The following AATF variants were observed in gnomAD, a reference collection of about 807,000 sequenced individuals.
AATF encodes the protein apoptosis antagonizing transcription factor.
AATF carries 48 observed loss-of-function variants against 63.7 expected under a neutral mutation model. The observed-to-expected ratio is 0.75, with a 90% CI of 0.60 to 0.96. The LOEUF (loss-of-function observed/expected upper bound fraction) is 0.96, where lower values mean the gene tolerates loss of function less well. AATF is among the 40% of genes least tolerant of loss of function. AATF has a pLI of 0.00. For synonymous variants in AATF, 258 were observed against 247.7 expected (o/e 1.04, Z -0.39); for missense variants, 639 against 685.7 (o/e 0.93, Z 0.76).
At chr17:37,051,107 T>A (rs2071744573) in intron 11 of AATF, 1 of 152,114 alleles carries the variant, frequency 6.6e-6, no homozygotes, top group African/African-American at 2.4e-5. Context: ...AGCAGCATTG[T>A]CTCCGCCAGC....
At chr17:36,997,015 A>G (rs1469308588) in intron 8 of AATF, among the ~76,000 whole-genome samples, 1 of 152,214 alleles carries the variant, frequency 6.6e-6, no homozygotes, top group African/African-American at 2.4e-5. Context: ...TTCAAACACA[A>G]ATGGTACCTG....
chr17:37,036,719 G>A (rs987807260), intron 11 of AATF, among the ~76,000 whole-genome samples: 2 of 151,828 alleles, frequency 1.3e-5, no homozygotes, highest in Non-Finnish European at 2.9e-5. Flanking sequence ...TAATGCTTTC[G>A]GATCTCCTTT....
intron 8 of AATF, among the ~76,000 whole-genome samples, chr17:36,996,497 G>T (rs1178798677): frequency 6.6e-6 from 1 of 152,152 alleles, no homozygotes; most frequent in Non-Finnish European, 1.5e-5. Context: ...GTTTCTTGGG[G>T]CATAGTAATG....
At chr17:36,978,213 C>A (rs561990197) in intron 4 of AATF, among the ~76,000 whole-genome samples, 1 of 152,090 alleles carries the variant, frequency 6.6e-6, no homozygotes, top group East Asian at 1.9e-4. Flanking sequence ...CTTCAGCATT[C>A]CCTTATTTCA....
chr17:36,993,812 G>A (rs2071233717), intron 8 of AATF, among the ~76,000 whole-genome samples: 1 of 152,086 alleles, frequency 6.6e-6, no homozygotes, highest in Non-Finnish European at 1.5e-5. Context: ...GGGTTTAAAG[G>A]CTTACTTGGT....
At chr17:36,984,663 T>A (rs2071153025) in intron 4 of AATF, among the ~76,000 whole-genome samples, 1 of 152,158 alleles carries the variant, frequency 6.6e-6, no homozygotes, top group Non-Finnish European at 1.5e-5. Flanking sequence ...GGAGACAGCG[T>A]CTCGCTCTGT....
In AATF at chr17:36,952,958, A is replaced by G; in HGVS notation, c.356A>G (p.Glu119Gly). 1.9e-6 allele frequency: 3 copies of G among 1,614,186 alleles called. No homozygotes were observed. Among genetic ancestry groups the G allele is most frequent in the Non-Finnish European group, 2.5e-6 (3 of 1,180,046 alleles). Reference protein sequence around the residue: ...SEGLGLEEYDEDDLGAAEEQE... With the variant: ...SEGLGLEEYDGDDLGAAEEQE... ...GGACTGGGTCTGGAGGAATATGATG[A>G]GGACGACCTGGGTGCTGCTGAGGAA... is the stretch of plus-strand genomic sequence containing the variant. The change falls in exon 3 of 12, where the codon GAG (glutamate) becomes GGG (glycine). Residue 119 changes from glutamate to glycine, a missense_variant. Transcript: ENST00000619387.
chr17:37,010,748 G>A (rs184274122), intron 8 of AATF, among the ~76,000 whole-genome samples: 2 of 152,308 alleles, frequency 1.3e-5, no homozygotes, highest in African/African-American at 4.8e-5. Context: ...AGGAGGAGGC[G>A]TGGGAGGTCA....
chr17:36,984,177 G>C (rs2071149113), intron 4 of AATF, among the ~76,000 whole-genome samples: 1 of 152,208 alleles, frequency 6.6e-6, no homozygotes, highest in South Asian at 2.1e-4. Flanking sequence ...TGAATGTCGG[G>C]ATTGTTGAAC....
chr17:36,998,742 T>C (rs1221593957), intron 8 of AATF: 3 of 152,054 alleles, frequency 2.0e-5, no homozygotes, highest in South Asian at 2.1e-4. Context: ...AACAAAAACA[T>C]TTATTATGCC....
At chr17:36,953,335 T>TA in intron 3 of AATF, 39 bp downstream of exon 3, 1 of 1,583,780 alleles carries the variant, frequency 6.3e-7, no homozygotes, top group East Asian at 2.2e-5. Context: ...TTTTTCAAAG[T>TA]ATCTGCATTT....
rs779491074 is a variant in AATF at position 37,020,959 on chromosome 17, C to CG, written c.1493dup (p.Ser499LysfsTer9). On this transcript the variant is annotated frameshift_variant, in exon 10 of 12. Coordinates refer to ENST00000619387, the MANE Select transcript of AATF (RefSeq NM_012138.4). LOFTEE classifies it high-confidence loss of function. ...GCAGTGGCTTGCAATCCAGAAGTTA[C>CG]GAAGCAAAATCCACAAAAAAGTAGA... 1.2e-6 allele frequency: 2 copies of CG among 1,610,660 alleles called. No individual in the cohort carries two copies. Among genetic ancestry groups the CG allele is most frequent in the South Asian group, 2.2e-5 (2 of 90,388 alleles).
chr17:36,957,251 G>T (rs539743716), intron 4 of AATF, among the ~76,000 whole-genome samples: 48 of 152,224 alleles, frequency 3.2e-4, no homozygotes, highest in African/African-American at 1.1e-3. Context: ...AGTAAAATGG[G>T]GATAATATGG....
chr17:37,020,827 A>C, intron 9 of AATF, 107 bp from the exon 10 acceptor site: 5 of 857,132 alleles, frequency 5.8e-6, no homozygotes, highest in Non-Finnish European at 8.8e-6. Flanking sequence ...AACTTGATGT[A>C]GGTTGATGAT....
chr17:37,045,626 G>A (rs948067284), intron 11 of AATF: 9 of 152,246 alleles, frequency 5.9e-5, no homozygotes, highest in African/African-American at 2.2e-4. Flanking sequence ...ACACACACTT[G>A]GCAGCACTCT....
intron 4 of AATF, among the ~76,000 whole-genome samples, chr17:36,985,780 A>T (rs1176570070): frequency 6.6e-6 from 1 of 151,554 alleles, no homozygotes; most frequent in Non-Finnish European, 1.5e-5. Context: ...CAAACTCCTG[A>T]CCTTGTGATC....
At chr17:37,002,903 GTTTTTT>G (rs35926577) in intron 8 of AATF, among the ~76,000 whole-genome samples, 2 of 99,202 alleles carry the variant, frequency 2.0e-5, no homozygotes, top group African/African-American at 7.7e-5. Context: ...TCCTGTTGCT[GTTTTTT>G]TTTTTTTTTT....
chr17:36,974,533 A>G (rs569130304), intron 4 of AATF, among the ~76,000 whole-genome samples: 1 of 152,272 alleles, frequency 6.6e-6, no homozygotes, highest in Non-Finnish European at 1.5e-5. Context: ...GAATATGCAA[A>G]ATTTTAAGGC....
intron 9 of AATF, among the ~76,000 whole-genome samples, chr17:37,019,433 A>G (rs2071452936): frequency 6.6e-6 from 1 of 152,176 alleles, no homozygotes; most frequent in Non-Finnish European, 1.5e-5. Flanking sequence ...ACTGCGCACA[A>G]CAGGTTCTTT....
Sources: allele counts gnomAD v4.1 joint callset (sites outside exome capture counted in the v4.1 genomes callset), GRCh38; gene constraint gnomAD v4.1.1; transcripts MANE v1.5; gene names NCBI Gene and HGNC (gene_info 2026-07-23, HGNC 2026-07-21).